NPNT: variants seen among roughly 807,000 people sequenced by gnomAD.
NPNT encodes preosteoblast EGF-like repeat protein with MAM domain.
Under a neutral mutation model 68.6 loss-of-function variants are expected in NPNT, and 45 were observed. The ratio of observed to expected loss-of-function variants is 0.66; its 90% CI spans 0.52 to 0.84. The LOEUF is 0.84. NPNT is among the 40% of genes least tolerant of loss of function. The probability of loss-of-function intolerance (pLI) is 0.00; values close to 1 mark genes in which losing one functional copy is unlikely to be tolerated. For missense variants in NPNT, 672 were observed against 714.8 expected (o/e 0.94, Z 0.68); for synonymous variants, 233 against 253.3 (o/e 0.92, Z 0.76).
intron 2 of NPNT, among the ~76,000 whole-genome samples, chr4:105,924,209 T>TA (rs1276479725): frequency 1.3e-5 from 2 of 152,178 alleles, no homozygotes; most frequent in African/African-American, 4.8e-5. Context: ...TTAGCCAATA[T>TA]ATTTTAGTTC....
chr4:105,899,523 T>C (rs1368481868), intron 2 of NPNT, among the ~76,000 whole-genome samples: 1 of 152,216 alleles, frequency 6.6e-6, no homozygotes, highest in Non-Finnish European at 1.5e-5. Flanking sequence ...TTTTGTTTAC[T>C]GGAAACTGGA....
At chr4:105,947,883 C>A (rs1730511704) in intron 8 of NPNT, among the ~76,000 whole-genome samples, 1 of 152,104 alleles carries the variant, frequency 6.6e-6, no homozygotes, top group Admixed American at 6.6e-5. Flanking sequence ...TAAATCATTT[C>A]TCTTTGTTGC....
At chr4:105,916,085 A>G (rs1018303189) in intron 2 of NPNT, among the ~76,000 whole-genome samples, 7 of 152,208 alleles carry the variant, frequency 4.6e-5, no homozygotes, top group African/African-American at 1.7e-4. Context: ...CAAGGGCTGA[A>G]AAAAAGTCAT....
chr4:105,925,905 A>G (rs1728641780), intron 2 of NPNT, among the ~76,000 whole-genome samples: 1 of 152,204 alleles, frequency 6.6e-6, no homozygotes, highest in African/African-American at 2.4e-5. Context: ...TGATAAATGT[A>G]TGGAAACTTC....
chr4:105,940,303 G>C, intron 6 of NPNT, 94 bp downstream of exon 6: 1 of 1,310,394 alleles, frequency 7.6e-7, no homozygotes, highest in Non-Finnish European at 1.1e-6. Flanking sequence ...AGGGGCAGGG[G>C]AGAGTACTGG....
chr4:105,903,670 C>G (rs1425035665), intron 2 of NPNT, among the ~76,000 whole-genome samples: 1 of 151,924 alleles, frequency 6.6e-6, no homozygotes, highest in Non-Finnish European at 1.5e-5. Context: ...TAGATCTCTC[C>G]CCTATCACCC....
chr4:105,929,811 T>G (rs1728972142), intron 3 of NPNT, among the ~76,000 whole-genome samples: 1 of 152,232 alleles, frequency 6.6e-6, no homozygotes, highest in African/African-American at 2.4e-5. Context: ...TTAACATGCT[T>G]TAAAGACATG....
intron 8 of NPNT, among the ~76,000 whole-genome samples, chr4:105,946,490 C>T (rs1485228364): frequency 6.6e-6 from 1 of 152,102 alleles, no homozygotes; most frequent in Non-Finnish European, 1.5e-5. Context: ...TTTCTATTTT[C>T]CATAAGTGTC....
At chr4:105,901,917 T>C (rs565622308) in intron 2 of NPNT, among the ~76,000 whole-genome samples, 4 of 152,336 alleles carry the variant, frequency 2.6e-5, no homozygotes, top group Non-Finnish European at 4.4e-5. Context: ...TGGCTAATGA[T>C]TGTGGATATT....
chr4:105,950,738 G>A (rs796659992), intron 8 of NPNT, among the ~76,000 whole-genome samples: 1 of 152,114 alleles, frequency 6.6e-6, no homozygotes, highest in Non-Finnish European at 1.5e-5. Flanking sequence ...TCCAATGCCT[G>A]ACAACCTGCA....
intron 10 of NPNT, among the ~76,000 whole-genome samples, chr4:105,959,416 C>G (rs980203444): frequency 6.6e-6 from 1 of 151,834 alleles, no homozygotes; most frequent in Non-Finnish European, 1.5e-5. Flanking sequence ...GCAAATAATT[C>G]TTAAGTTATT....
At chr4:105,957,680 G>A (rs549597953) in intron 8 of NPNT, among the ~76,000 whole-genome samples, 1 of 152,246 alleles carries the variant, frequency 6.6e-6, no homozygotes, top group African/African-American at 2.4e-5. Flanking sequence ...CTTTATGAAA[G>A]TGTGTAATAG....
At chr4:105,957,055 G>T (rs772699112) in intron 8 of NPNT, among the ~76,000 whole-genome samples, 8 of 152,158 alleles carry the variant, frequency 5.3e-5, no homozygotes, top group Non-Finnish European at 1.2e-4. Context: ...CTGTTTCATA[G>T]TGTTCTACAT....
At chr4:105,934,694 A>G (rs935603754) in intron 3 of NPNT, among the ~76,000 whole-genome samples, 2 of 152,244 alleles carry the variant, frequency 1.3e-5, no homozygotes, top group African/African-American at 4.8e-5. Flanking sequence ...TAAAATAGCC[A>G]GTACATCATT....
At chr4:105,911,041 A>G (rs1468076671) in intron 2 of NPNT, among the ~76,000 whole-genome samples, 1 of 152,142 alleles carries the variant, frequency 6.6e-6, no homozygotes, top group African/African-American at 2.4e-5. Flanking sequence ...TGTCTCATAT[A>G]TAACCATAGT....
chr4:105,940,600 A>G lies in NPNT; in HGVS notation c.727A>G (p.Lys243Glu). 6.2e-7 allele frequency: 1 copy of G among 1,613,468 alleles called. No homozygotes were observed. The highest frequency in any genetic ancestry group is 8.5e-7 in the Non-Finnish European group (1 of 1,179,466). Residue 243 changes from lysine (K) to glutamate (E), a missense_variant, in exon 7 of 12, where the codon AAA becomes GAA. Coordinates refer to ENST00000379987, the MANE Select transcript of NPNT (RefSeq NM_001033047.3). ...NIRGSYKCKC[K>E]EGYQGDGLTC... is the part of the protein sequence containing the mutation. ...ACGTGGGTCCTACAAGTGCAAATGT[A>G]AAGAAGGATACCAGGGTGATGGACT...
intron 2 of NPNT, among the ~76,000 whole-genome samples, chr4:105,926,279 C>T (rs776834328): frequency 2.6e-5 from 4 of 152,114 alleles, no homozygotes; most frequent in Non-Finnish European, 4.4e-5. Context: ...ATTTTTATCT[C>T]AATTGTAGAC....
chr4:105,911,213 G>GA (rs544883001), intron 2 of NPNT, among the ~76,000 whole-genome samples: 24 of 146,322 alleles, frequency 1.6e-4, no homozygotes, highest in Admixed American at 6.8e-4. Context: ...TGACCAATAT[G>GA]AAAAAAAAAA....
At chr4:105,935,119 T>G (rs1190224089) in intron 3 of NPNT, among the ~76,000 whole-genome samples, 3 of 152,192 alleles carry the variant, frequency 2.0e-5, no homozygotes, top group African/African-American at 7.2e-5. Flanking sequence ...CACAAAAGTT[T>G]CTGTTATGCT....
Sources: gnomAD v4.1 joint callset for allele counts (sites outside exome capture counted in the v4.1 genomes callset) on GRCh38, gnomAD v4.1.1 for gene constraint, MANE v1.5 for transcripts, NCBI Gene and HGNC (gene_info 2026-07-23, HGNC 2026-07-21) for gene names.